The following DOK6 variants were observed in gnomAD, a reference collection of about 807,000 sequenced individuals.
DOK6 encodes the protein downstream of tyrosine kinase 6.
DOK6 carries 22 observed loss-of-function variants against 44.0 expected under a neutral mutation model. The observed-to-expected ratio is 0.50, with a 90% CI of 0.36 to 0.71. The LOEUF is 0.71. Among genes scored for constraint, DOK6 ranks in the 30% least tolerant of loss-of-function variants. DOK6 has a pLI of 0.00. For missense variants in DOK6, 340 were observed against 416.4 expected (o/e 0.82, Z 1.60); for synonymous variants, 166 against 145.5 (o/e 1.14, Z -1.01).
At chr18:69,781,004 C>T (rs369007513) in intron 7 of DOK6, among the ~76,000 whole-genome samples, 3 of 152,172 alleles carry the variant, frequency 2.0e-5, no homozygotes, top group Non-Finnish European at 2.9e-5. Context: ...GGATGACAGA[C>T]GGCCATTTGT....
rs1982352015 is a variant in DOK6 at position 69,846,704 on chromosome 18, T to C, written c.*5321T>C. ...CTACTAATTCATCACAATCACATAGTAATTGTGATTATAATTTTTGGAATC... is the reference window on the plus strand; with the variant it reads ...CTACTAATTCATCACAATCACATAGCAATTGTGATTATAATTTTTGGAATC... On this transcript the variant is annotated 3_prime_UTR_variant, in exon 8 of 8. Transcript: ENST00000382713. 1 of 152,212 alleles carries C rather than the reference T, an allele frequency of 6.6e-6. No individual in the cohort carries two copies. The highest frequency in any genetic ancestry group is 1.5e-5 in the Non-Finnish European group (1 of 68,040). The allele number at this position is 152,212 out of a possible 1,614,324, so 9.4% of individuals were successfully genotyped here. A position where few individuals can be genotyped will look rare whatever the true frequency, so the allele number is the denominator to read the frequency against.
chr18:69,828,900 A>ATAT (rs59036025), intron 7 of DOK6, among the ~76,000 whole-genome samples: 1 of 127,892 alleles, frequency 7.8e-6, no homozygotes, highest in African/African-American at 2.7e-5. Flanking sequence ...ATATATATAT[A>ATAT]GTATGTATGT....
chr18:69,776,878 T>C (rs973257383), intron 7 of DOK6, among the ~76,000 whole-genome samples: 5 of 151,866 alleles, frequency 3.3e-5, no homozygotes, highest in Admixed American at 6.6e-5. Context: ...ATCAGTTTGC[T>C]TCACTTCTAC....
chr18:69,703,641 C>T (rs945643489), intron 5 of DOK6, among the ~76,000 whole-genome samples: 1 of 152,176 alleles, frequency 6.6e-6, no homozygotes, highest in African/African-American at 2.4e-5. Context: ...CACCAGGGCA[C>T]CTGGATTCAG....
At chr18:69,521,185 C>G (rs1981674228) in intron 1 of DOK6, among the ~76,000 whole-genome samples, 1 of 151,832 alleles carries the variant, frequency 6.6e-6, no homozygotes, top group Non-Finnish European at 1.5e-5. Context: ...AAACATCTAG[C>G]ATCTCTATGA....
intron 1 of DOK6, among the ~76,000 whole-genome samples, chr18:69,516,682 C>CT (rs34710946): frequency 0.41 from 61,184 of 149,516 alleles, 13,244 homozygotes; most frequent in Non-Finnish European, 0.49. Context: ...AAGTACTATA[C>CT]TTTTTTTTTT....
chr18:69,685,699 A>G (rs1986138084), intron 4 of DOK6, among the ~76,000 whole-genome samples: 1 of 152,238 alleles, frequency 6.6e-6, no homozygotes, highest in Admixed American at 6.5e-5. Flanking sequence ...ACTGTCAATT[A>G]TAATTGGCTT....
intron 1 of DOK6, among the ~76,000 whole-genome samples, chr18:69,422,354 G>A: frequency 6.6e-6 from 1 of 152,164 alleles, no homozygotes; most frequent in East Asian, 1.9e-4. Context: ...CACTTTCAGT[G>A]TCCAGATTGG....
chr18:69,613,948 A>T (rs1406112324), intron 3 of DOK6, among the ~76,000 whole-genome samples: 1 of 146,740 alleles, frequency 6.8e-6, no homozygotes, highest in Non-Finnish European at 1.5e-5. Context: ...ATTTATAATT[A>T]ATCTTTTATT....
At chr18:69,789,105 G>T (rs1229087222) in intron 7 of DOK6, among the ~76,000 whole-genome samples, 1 of 152,058 alleles carries the variant, frequency 6.6e-6, no homozygotes, top group Non-Finnish European at 1.5e-5. Context: ...CCATGTATTT[G>T]AGTTACAAAC....
rs375806028 is a variant in DOK6, at chr18:69,757,243, G to C, written c.739-513G>C. Among the ~76,000 whole-genome samples, 3 of 152,172 alleles carry C rather than the reference G, an allele frequency of 2.0e-5. No individual in the cohort carries two copies. In the East Asian group the frequency reaches 5.8e-4, roughly 29 times the overall value. On this transcript the variant is annotated intron_variant, in intron 6 of 7. Transcript: ENST00000382713. ...TTTGAGAAAATATCCATTGTGTAAG[G>C]TTGGGAGGAAGTGTAAGGAAAAATG...
rs1363540481 is a variant in DOK6, at chr18:69,843,282, T to C, written c.*1899T>C. 6.6e-6 allele frequency: 1 copy of C among 152,268 alleles called. No homozygotes were observed. The allele number at this position is 152,268 out of a possible 1,614,324, so 9.4% of individuals were successfully genotyped here. A position where few individuals can be genotyped will look rare whatever the true frequency, so the allele number is the denominator to read the frequency against. On this transcript the variant is annotated 3_prime_UTR_variant, in exon 8 of 8. Transcript: ENST00000382713. ...AGCAGATGACTGGTTCCTACAACTG[T>C]ACAGCCTTCCTTGAAATCATAGCTT...
intron 1 of DOK6, among the ~76,000 whole-genome samples, chr18:69,528,014 T>A (rs911842109): frequency 1.1e-4 from 17 of 151,804 alleles, no homozygotes; most frequent in African/African-American, 3.4e-4. Flanking sequence ...ATACAAAAAA[T>A]TAGCCGGGCA....
intron 5 of DOK6, among the ~76,000 whole-genome samples, chr18:69,729,168 T>C (rs1031219387): frequency 1.3e-5 from 2 of 152,208 alleles, no homozygotes; most frequent in Admixed American, 1.3e-4. Context: ...CATATATACA[T>C]GTACACATTC....
intron 1 of DOK6, among the ~76,000 whole-genome samples, chr18:69,562,746 A>G (rs1308697997): frequency 2.6e-5 from 4 of 151,962 alleles, no homozygotes; most frequent in Admixed American, 6.6e-5. Flanking sequence ...ATGGGCAAGG[A>G]CTTCATGTCT....
At chr18:69,473,328 A>G (rs528349744) in intron 1 of DOK6, among the ~76,000 whole-genome samples, 7 of 152,352 alleles carry the variant, frequency 4.6e-5, no homozygotes, top group East Asian at 1.9e-4. Context: ...TTTGTTAAAT[A>G]TGGCAACCCT....
rs946047417 is a variant in DOK6 at position 69,846,668 on chromosome 18, G to A, written c.*5285G>A. The stretch of plus-strand genomic sequence containing the variant: ...TAAAACACATTAAGTAGGTGTTTGT[G>A]TTTAGCAGTCCTACTAATTCATCAC... On this transcript the variant is annotated 3_prime_UTR_variant, in exon 8 of 8. Coordinates refer to ENST00000382713, the MANE Select transcript of DOK6 (RefSeq NM_152721.6). 2.0e-5 allele frequency: 3 copies of A among 152,146 alleles called. No homozygotes were observed. The highest frequency in any genetic ancestry group is 4.4e-5 in the Non-Finnish European group (3 of 68,026). 9.4% of individuals were successfully genotyped at this position (152,146 alleles called of 1,614,324 possible). A position where few individuals can be genotyped will look rare whatever the true frequency, so the allele number is the denominator to read the frequency against.
intron 7 of DOK6, among the ~76,000 whole-genome samples, chr18:69,787,652 G>A (rs958412913): frequency 9.2e-5 from 14 of 152,116 alleles, no homozygotes; most frequent in Admixed American, 2.6e-4. Context: ...ATTATGACCA[G>A]AAACAGAAAT....
In DOK6 at chr18:69,749,465, A is replaced by G. The variant is rs931349709; in HGVS notation, c.739-8291A>G. Among the ~76,000 whole-genome samples the G allele has an allele frequency of 4.6e-5, 7 of 151,640 alleles. No individual in the cohort carries two copies. In the East Asian group the frequency reaches 1.2e-3, roughly 25 times the overall value. On this transcript the variant is annotated intron_variant, in intron 6 of 7. Transcript: ENST00000382713. ...CATTATACAGAATCTCTTGATGATG[A>G]AAAAAAAGGACAAAAGCATAGAGCA...
Sources: allele counts gnomAD v4.1 joint callset (sites outside exome capture counted in the v4.1 genomes callset), GRCh38; gene constraint gnomAD v4.1.1; transcripts MANE v1.5; gene names NCBI Gene and HGNC (gene_info 2026-07-23, HGNC 2026-07-21).